The following COX10 variants were observed in gnomAD, a reference collection of about 807,000 sequenced individuals.
COX10 encodes cytochrome c oxidase assembly factor heme A:farnesyltransferase COX10.
Under a neutral mutation model 37.3 loss-of-function variants are expected in COX10, and 27 were observed. That is an observed-to-expected ratio of 0.72 (90% confidence interval 0.53 to 1.00). The LOEUF (loss-of-function observed/expected upper bound fraction) is 1.00, where lower values mean the gene tolerates loss of function less well. COX10 is among the 50% of genes least tolerant of loss of function. The probability of loss-of-function intolerance (pLI) is 0.00; values close to 1 mark genes in which losing one functional copy is unlikely to be tolerated. For synonymous variants in COX10, 222 were observed against 229.1 expected (o/e 0.97, Z 0.28); for missense variants, 475 against 563.2 (o/e 0.84, Z 1.59).
rs577773765 is a variant in COX10 at position 14,197,256 on chromosome 17, A to G, written c.928+5035A>G. Among the ~76,000 whole-genome samples the G allele has an allele frequency of 2.6e-5, 4 of 152,310 alleles. No individual in the cohort carries two copies. The South Asian group carries it at 8.3e-4, about 32-fold the overall frequency. On this transcript the variant is annotated intron_variant, in intron 6 of 6. Coordinates refer to ENST00000261643, the MANE Select transcript of COX10 (RefSeq NM_001303.4). ...AGCAAGGAAATGCAGTATGTCGGGAAGTACCTTTTCCCCTTTGTGGTGTCT... is the reference window on the plus strand; with the variant it reads ...AGCAAGGAAATGCAGTATGTCGGGAGGTACCTTTTCCCCTTTGTGGTGTCT...
chr17:14,123,484 G>C (rs1234946424), intron 4 of COX10, among the ~76,000 whole-genome samples: 2 of 152,100 alleles, frequency 1.3e-5, no homozygotes, highest in African/African-American at 4.8e-5. Flanking sequence ...TAAGAATTCA[G>C]AATTTTTTTC....
intron 3 of COX10, among the ~76,000 whole-genome samples, chr17:14,089,231 A>G (rs987487335): frequency 8.5e-5 from 13 of 152,124 alleles, no homozygotes; most frequent in Admixed American, 3.3e-4. Flanking sequence ...AGTTTTTCCA[A>G]AGAAAAATAA....
intron 3 of COX10, among the ~76,000 whole-genome samples, chr17:14,101,264 C>A (rs571173296): frequency 6.6e-6 from 1 of 152,294 alleles, no homozygotes; most frequent in Admixed American, 6.5e-5. Context: ...TGTGCCTGTT[C>A]TTGGAATTAT....
At chr17:14,180,266 A>G (rs1905816742) in intron 5 of COX10, among the ~76,000 whole-genome samples, 1 of 152,170 alleles carries the variant, frequency 6.6e-6, no homozygotes. Context: ...TAAACATTTT[A>G]TAAGTATAGA....
intron 4 of COX10, among the ~76,000 whole-genome samples, chr17:14,113,321 C>A (rs1282867210): frequency 6.6e-6 from 1 of 152,064 alleles, no homozygotes; most frequent in East Asian, 1.9e-4. Flanking sequence ...CCCCCTTGTG[C>A]CTTCCTCCCT....
intron 5 of COX10, among the ~76,000 whole-genome samples, chr17:14,170,501 C>T (rs1189182401): frequency 6.6e-6 from 1 of 152,182 alleles, no homozygotes; most frequent in Non-Finnish European, 1.5e-5. Context: ...ACTGCTTCCT[C>T]ATGTGTGAAG....
intron 4 of COX10, among the ~76,000 whole-genome samples, chr17:14,109,906 G>A (rs1915975757): frequency 6.6e-6 from 1 of 152,056 alleles, no homozygotes; most frequent in Non-Finnish European, 1.5e-5. Context: ...TAACATAAAA[G>A]TTTGGTCAGG....
chr17:14,136,650 G>GT (rs959935503), intron 4 of COX10, among the ~76,000 whole-genome samples: 24 of 151,012 alleles, frequency 1.6e-4, no homozygotes, highest in South Asian at 8.4e-4. Context: ...TTTATGGCAG[G>GT]TTTTTTTTTA....
chr17:14,147,382 G>A (rs750270992), intron 4 of COX10, among the ~76,000 whole-genome samples: 4 of 152,116 alleles, frequency 2.6e-5, no homozygotes, highest in Non-Finnish European at 4.4e-5. Context: ...TATGTTAGGT[G>A]AAATAAGCCA....
At chr17:14,152,636 T>C (rs549965026) in intron 4 of COX10, among the ~76,000 whole-genome samples, 5 of 152,168 alleles carry the variant, frequency 3.3e-5, no homozygotes, top group Non-Finnish European at 7.4e-5. Context: ...CAGAGCCATC[T>C]GTAAGGGAAG....
chr17:14,079,950 C>G (rs1915246805), intron 3 of COX10, among the ~76,000 whole-genome samples: 1 of 151,920 alleles, frequency 6.6e-6, no homozygotes, highest in African/African-American at 2.4e-5. Context: ...ATATTCACTG[C>G]ATACTATTCC....
intron 5 of COX10, among the ~76,000 whole-genome samples, chr17:14,163,919 C>T (rs1905223300): frequency 6.6e-6 from 1 of 152,160 alleles, no homozygotes; most frequent in Non-Finnish European, 1.5e-5. Flanking sequence ...TTCATCTGCA[C>T]ATCATTTCCA....
intron 6 of COX10, among the ~76,000 whole-genome samples, chr17:14,200,545 G>T (rs991504493): frequency 3.0e-4 from 45 of 152,134 alleles, no homozygotes; most frequent in African/African-American, 9.9e-4. Flanking sequence ...ATTTTCTGAG[G>T]AAGGAGGGAA....
At chr17:14,111,072 CTTCT>C (rs1028813584) in intron 4 of COX10, among the ~76,000 whole-genome samples, 4 of 152,064 alleles carry the variant, frequency 2.6e-5, no homozygotes, top group African/African-American at 4.8e-5. Flanking sequence ...CCTTTTGAGA[CTTCT>C]TTGTCTGTTG....
In COX10 at chr17:14,206,838, C is replaced by G; in HGVS notation, c.957C>G (p.Tyr319Ter). The change falls in exon 7 of 7, where the codon TAC becomes TAG. Residue 319 changes from tyrosine (Y) to a stop codon, truncating the protein, a stop_gained. Transcript: ENST00000261643. LOFTEE classifies it high-confidence loss of function. ...AGAFLLGGIL[Y>*]SWQFPHFNAL... ...CATTTCTCCTGGGAGGAATCCTCTA[C>G]TCCTGGCAGTTTCCTCATTTCAACG... The G allele has an allele frequency of 6.2e-7, 1 of 1,614,200 alleles. No individual in the cohort carries two copies.
Position 14,183,826 on chromosome 17 carries a change from T to C in COX10, c.696-8163T>C, listed in dbSNP as rs1352672006. 5.3e-5 allele frequency among the ~76,000 whole-genome samples: 8 copies of C among 152,282 alleles called. No homozygotes were observed. The South Asian group carries it at 6.2e-4, about 12-fold the overall frequency. ...TTCTTTCTTGTAGCTGATTTTACAA[T>C]TGGAGAGTTCACGGTAGTTACATGT... On this transcript the variant is annotated intron_variant, in intron 5 of 6. Transcript: ENST00000261643.
In COX10 at chr17:14,078,232, C is replaced by G. The variant is rs565574950; in HGVS notation, c.499+1176C>G. Among the ~76,000 whole-genome samples, 6 of 152,088 alleles carry G rather than the reference C, an allele frequency of 3.9e-5. No homozygotes were observed. The East Asian group carries it at 9.7e-4, about 25-fold the overall frequency. ...TCTCTTTTGTCATTTACACAAGTGG[C>G]CTGAGTGTCATGCTGCTGACAAGTT... is the stretch of plus-strand genomic sequence containing the variant. On this transcript the variant is annotated intron_variant, in intron 3 of 6. Coordinates refer to ENST00000261643, the MANE Select transcript of COX10 (RefSeq NM_001303.4).
chr17:14,095,377 T>A (rs1915624291), intron 3 of COX10, among the ~76,000 whole-genome samples: 1 of 152,186 alleles, frequency 6.6e-6, no homozygotes, highest in Non-Finnish European at 1.5e-5. Flanking sequence ...CTGTTTGCAC[T>A]GTTGCCATCC....
At chr17:14,075,719 T>C (rs900278364) in intron 2 of COX10, among the ~76,000 whole-genome samples, 1 of 152,096 alleles carries the variant, frequency 6.6e-6, no homozygotes, top group Non-Finnish European at 1.5e-5. Context: ...GGCCAGGCGC[T>C]GTGGCTCACA....
Sources: gnomAD v4.1 joint callset for allele counts (sites outside exome capture counted in the v4.1 genomes callset) on GRCh38, gnomAD v4.1.1 for gene constraint, MANE v1.5 for transcripts, NCBI Gene and HGNC (gene_info 2026-07-23, HGNC 2026-07-21) for gene names.